Variants in SAMMSON observed in about 807,000 individuals in gnomAD.
The protein encoded by SAMMSON is long intergenic non-protein coding RNA 1212.
At chr3:70,384,791 T>C (rs1441503742) in intron 9 of SAMMSON, among the ~76,000 whole-genome samples, 1 of 152,110 alleles carries the variant, frequency 6.6e-6, no homozygotes, top group African/African-American at 2.4e-5. Flanking sequence ...CTGGTAAGAA[T>C]TCTATAAAAT....
At chr3:70,236,295 C>T (rs1019565563) in intron 4 of SAMMSON, among the ~76,000 whole-genome samples, 1 of 152,112 alleles carries the variant, frequency 6.6e-6, no homozygotes, top group African/African-American at 2.4e-5. Context: ...CTTTAAACTC[C>T]CTGCACTTAA....
rs150166036 is a variant in SAMMSON at position 70,284,918 on chromosome 3, G to C, written n.675-6261G>C. On this transcript the variant is annotated intron_variant and non_coding_transcript_variant, in intron 6 of 9. Transcript: ENST00000642114. ...GAAAATAAAAGTTAAACAAAAAAGAGTAAATGGCATTGGTGTAACTGATTC... is the reference window on the plus strand; with the variant it reads ...GAAAATAAAAGTTAAACAAAAAAGACTAAATGGCATTGGTGTAACTGATTC... Among the ~76,000 whole-genome samples, 186 of 152,180 alleles carry C rather than the reference G, an allele frequency of 1.2e-3. 1 individual carries two copies. Among genetic ancestry groups the C allele is most frequent in the African/African-American group, 4.3e-3 (180 of 41,538 alleles).
At chr3:70,255,199 T>C (rs1387698973) in intron 6 of SAMMSON, among the ~76,000 whole-genome samples, 1 of 152,186 alleles carries the variant, frequency 6.6e-6, no homozygotes, top group Non-Finnish European at 1.5e-5. Flanking sequence ...AAAAGAAAAG[T>C]AAAAACTTAA....
At chr3:70,069,874 G>A (rs1474412280) in intron 3 of SAMMSON, 9 of 152,074 alleles carry the variant, frequency 5.9e-5, no homozygotes, top group Non-Finnish European at 1.3e-4. Context: ...TGGAGCTGCG[G>A]GAAGGTACAG....
At chr3:70,045,171 TTA>T (rs1232400476) in intron 3 of SAMMSON, among the ~76,000 whole-genome samples, 7 of 131,788 alleles carry the variant, frequency 5.3e-5, no homozygotes, top group Non-Finnish European at 1.1e-4. Context: ...ATATTATAAT[TTA>T]TATATATCGT....
chr3:70,393,502 TG>T (rs1306610813), downstream of SAMMSON, among the ~76,000 whole-genome samples: 1 of 152,188 alleles, frequency 6.6e-6, no homozygotes, highest in Non-Finnish European at 1.5e-5. Context: ...TGCTACAGCT[TG>T]GGGAGATAAT....
At chr3:70,376,033 T>C (rs1399922916) in intron 9 of SAMMSON, among the ~76,000 whole-genome samples, 1 of 152,142 alleles carries the variant, frequency 6.6e-6, no homozygotes, top group African/African-American at 2.4e-5. Flanking sequence ...AATGCTAACA[T>C]AGGGAGACGT....
At chr3:70,367,611 T>G (rs983295464) in intron 9 of SAMMSON, among the ~76,000 whole-genome samples, 1 of 151,728 alleles carries the variant, frequency 6.6e-6, no homozygotes, top group African/African-American at 2.4e-5. Context: ...TACATTTTCT[T>G]TATTCATTCA....
chr3:70,329,098 A>G (rs929176113), intron 7 of SAMMSON, among the ~76,000 whole-genome samples: 1 of 152,162 alleles, frequency 6.6e-6, no homozygotes, highest in Non-Finnish European at 1.5e-5. Flanking sequence ...ATTACTTCAT[A>G]TAGTTAATCA....
At chr3:70,246,270 G>A (rs188186163) in intron 4 of SAMMSON, among the ~76,000 whole-genome samples, 1 of 152,154 alleles carries the variant, frequency 6.6e-6, no homozygotes, top group Non-Finnish European at 1.5e-5. Context: ...AGGAGGAAAG[G>A]ATAAAGGTCA....
intron 4 of SAMMSON, among the ~76,000 whole-genome samples, chr3:70,084,090 C>T (rs2067276971): frequency 6.6e-6 from 1 of 152,154 alleles, no homozygotes; most frequent in African/African-American, 2.4e-5. Flanking sequence ...TTTGATTCCC[C>T]ATCTCACTCT....
intron 4 of SAMMSON, among the ~76,000 whole-genome samples, chr3:70,220,755 C>A (rs1177501663): frequency 6.6e-6 from 1 of 152,108 alleles, no homozygotes; most frequent in Admixed American, 6.6e-5. Flanking sequence ...TGAATAAAAT[C>A]CTTTGCCCAC....
intron 4 of SAMMSON, chr3:70,206,686 T>A (rs1273566272): frequency 2.5e-6 from 1 of 397,930 alleles, no homozygotes; most frequent in Non-Finnish European, 4.4e-6. Context: ...TCATTGGGGT[T>A]TTCCTTGGCT....
intron 6 of SAMMSON, among the ~76,000 whole-genome samples, chr3:70,286,469 G>C (rs569877378): frequency 6.6e-6 from 1 of 151,804 alleles, no homozygotes; most frequent in Admixed American, 6.6e-5. Flanking sequence ...TAGCCTTGTA[G>C]TATAGTTTGA....
At chr3:70,208,986 A>G (rs1559535361) in intron 4 of SAMMSON, among the ~76,000 whole-genome samples, 1 of 152,236 alleles carries the variant, frequency 6.6e-6, no homozygotes, top group East Asian at 1.9e-4. Context: ...ATTGAAGTGG[A>G]ATCAGCCCTA....
intron 7 of SAMMSON, among the ~76,000 whole-genome samples, chr3:70,318,623 T>C (rs1559562724): frequency 6.6e-6 from 1 of 152,018 alleles, no homozygotes; most frequent in Non-Finnish European, 1.5e-5. Flanking sequence ...CTGGGTCTTC[T>C]ATTGACTGCT....
chr3:70,123,501 C>G (rs1576127784), intron 4 of SAMMSON, among the ~76,000 whole-genome samples: 1 of 152,212 alleles, frequency 6.6e-6, no homozygotes, highest in East Asian at 1.9e-4. Context: ...AACTCCTGAG[C>G]TGAAGCGATC....
intron 4 of SAMMSON, among the ~76,000 whole-genome samples, chr3:70,184,766 C>T (rs773823881): frequency 1.3e-5 from 2 of 152,176 alleles, no homozygotes; most frequent in African/African-American, 4.8e-5. Flanking sequence ...GGTCATGTCA[C>T]CTTTCTGGGG....
chr3:70,266,332 G>T (rs984554415), intron 6 of SAMMSON, among the ~76,000 whole-genome samples: 1 of 152,032 alleles, frequency 6.6e-6, no homozygotes, highest in Non-Finnish European at 1.5e-5. Context: ...TGATTAAACT[G>T]TAATCGTTAT....
Sources: gnomAD v4.1 joint callset for allele counts (sites outside exome capture counted in the v4.1 genomes callset) on GRCh38, gnomAD v4.1.1 for gene constraint, MANE v1.5 for transcripts, NCBI Gene and HGNC (gene_info 2026-07-23, HGNC 2026-07-21) for gene names.